Variants in MTA1 observed in about 807,000 individuals in gnomAD.
The protein encoded by MTA1 is metastasis associated 1.
MTA1 carries 15 observed loss-of-function variants against 97.0 expected under a neutral mutation model. The ratio of observed to expected loss-of-function variants is 0.15; its 90% CI spans 0.10 to 0.24. The LOEUF is 0.24. Among genes scored for constraint, MTA1 ranks in the 10% least tolerant of loss-of-function variants. MTA1 has a pLI of 1.00. For synonymous variants in MTA1, 435 were observed against 417.5 expected (o/e 1.04, Z -0.51); for missense variants, 709 against 1,015.1 (o/e 0.70, Z 4.10).
intron 3 of MTA1, among the ~76,000 whole-genome samples, chr14:105,446,376 GGCATGTGAC>G (rs2082718241): frequency 6.6e-6 from 1 of 152,246 alleles, no homozygotes; most frequent in African/African-American, 2.4e-5. Flanking sequence ...CAGTAGGTGA[GGCATGTGAC>G]TGCCCGGGTA....
At chr14:105,468,133 G>A in intron 18 of MTA1, 1 of 392,242 alleles carries the variant, frequency 2.5e-6, no homozygotes. Context: ...CACGAGGTGG[G>A]GTCTCTGTCC....
Position 105,463,602 on chromosome 14 carries a change from G to A in MTA1, c.1076+51G>A. The A allele has an allele frequency of 6.4e-7, 1 of 1,573,876 alleles. No individual in the cohort carries two copies. The highest frequency in any genetic ancestry group is 8.7e-7 in the Non-Finnish European group (1 of 1,144,846). ...CCTCGTGGCCCCGGGGGCCAGGGAG[G>A]GTGGGCACAGGGTGCTGGGGCCAGG... On this transcript the variant is annotated intron_variant, in intron 12 of 20. Transcript: ENST00000331320. This position sits in a 1 kb window ranked among gnomAD's most constrained non-coding sequence, Gnocchi z 5.9.
At position 105,422,732 on chromosome 14, in the gene MTA1, G is replaced by C. The variant is rs757007580; in HGVS notation, c.28+2669G>C. ...GCAGGCTACTCCGAGGCCCTGCCAG[G>C]TTGGGCTAGGCAGGGTGAAGGTGTG... On this transcript the variant is annotated intron_variant, in intron 1 of 20. Transcript: ENST00000331320. This position sits in a 1 kb window ranked among gnomAD's most constrained non-coding sequence, Gnocchi z 4.3. Among the ~76,000 whole-genome samples the C allele has an allele frequency of 6.6e-6, 1 of 152,224 alleles. No individual in the cohort carries two copies. Among genetic ancestry groups the C allele is most frequent in the Non-Finnish European group, 1.5e-5 (1 of 68,032 alleles).
intron 2 of MTA1, among the ~76,000 whole-genome samples, chr14:105,443,689 G>A (rs956561812): frequency 7.9e-5 from 12 of 152,028 alleles, no homozygotes; most frequent in Admixed American, 7.2e-4. Flanking sequence ...GCTTACTCCT[G>A]TAATCCTAGC....
rs115078896 is a variant in MTA1, at chr14:105,466,467, G to A, written c.1666G>A (p.Val556Met). 1.7e-3 allele frequency: 2,607 copies of A among 1,556,672 alleles called. 34 individuals are homozygous for A. In the African/African-American group the frequency reaches 0.032, roughly 19 times the overall value. The change falls in exon 17 of 21, where the codon GTG becomes ATG. Residue 556 changes from valine to methionine, a missense_variant. This residue lies in a region of MTA1 where 388 missense variants were observed against 421.6 expected (regional missense o/e 0.92). Transcript: ENST00000331320. ...RPPKPDPVKS[V>M]SSVLSSLTPA... Reference sequence around the variant, plus strand: ...CCCCAAGCCTGACCCCGTGAAAAGCGTGTCCAGCGTGCTCAGCAGCCTGAC... The same window carrying A: ...CCCCAAGCCTGACCCCGTGAAAAGCATGTCCAGCGTGCTCAGCAGCCTGAC...
At chr14:105,459,039 C>T (rs1164684995) in intron 8 of MTA1, among the ~76,000 whole-genome samples, 1 of 150,048 alleles carries the variant, frequency 6.7e-6, no homozygotes, top group Non-Finnish European at 1.5e-5. Flanking sequence ...GGCCCCTGGT[C>T]CCTGGTCCCT....
At chr14:105,466,191 G>A (rs1180255517) in intron 16 of MTA1, 10 of 572,360 alleles carry the variant, frequency 1.7e-5, no homozygotes, top group East Asian at 9.0e-5. Context: ...CCTGCTCTCT[G>A]GAAGCCCTGG....
At chr14:105,438,283 G>A (rs2082393061) in intron 1 of MTA1, among the ~76,000 whole-genome samples, 1 of 152,152 alleles carries the variant, frequency 6.6e-6, no homozygotes, top group Non-Finnish European at 1.5e-5. Context: ...GTGTCCTGGG[G>A]CTCCCGGCAG....
At position 105,463,679 on chromosome 14, in the gene MTA1, CG is replaced by C. The variant is rs2083449074; in HGVS notation, c.1076+131del. On this transcript the variant is annotated intron_variant, in intron 12 of 20. Transcript: ENST00000331320. The surrounding 1 kb of genome is among the most constrained non-coding windows in gnomAD (Gnocchi z 5.9). The stretch of plus-strand genomic sequence containing the variant: ...AGGCTGGGAAAGTTGGGGCAGCCCC[CG>C]GGAGGGCGGCCCAGGGCTGGGGGGT... 1 of 924,264 alleles carries C rather than the reference CG, an allele frequency of 1.1e-6. No homozygotes were observed. The highest frequency in any genetic ancestry group is 1.7e-6 in the Non-Finnish European group (1 of 593,942). 57.3% of individuals were successfully genotyped at this position (924,264 alleles called of 1,614,324 possible).
At chr14:105,462,932 C>T (rs1027728265) in intron 10 of MTA1, among the ~76,000 whole-genome samples, 2 of 152,250 alleles carry the variant, frequency 1.3e-5, no homozygotes, top group African/African-American at 2.4e-5. Flanking sequence ...GGCAAGATCT[C>T]GACCTTGACC....
rs587626490 is a variant in MTA1 at position 105,449,112 on chromosome 14, C to T, written c.191-247C>T. On this transcript the variant is annotated intron_variant, in intron 3 of 20. Transcript: ENST00000331320. ...GGGGTGGCCTCTGGACAGGGGCCCT[C>T]CACAGCCAGGCTTGTCTGGGCTCTT... 292 of 496,868 alleles carry T rather than the reference C, an allele frequency of 5.9e-4. No individual in the cohort carries two copies. In the South Asian group the frequency reaches 7.2e-3, roughly 12 times the overall value. The allele number at this position is 496,868 out of a possible 1,614,324, so 30.8% of individuals were successfully genotyped here.
chr14:105,469,307 C>A, intron 18 of MTA1, 160 bp from the exon 19 acceptor site: 1 of 750,144 alleles, frequency 1.3e-6, no homozygotes, highest in Non-Finnish European at 2.3e-6. Context: ...CCCGGGGATG[C>A]GAGGCCCCAC....
rs74092358 is a variant in MTA1, at chr14:105,442,235, C to T, written c.97-3183C>T. ...AAAACCCACTTTGCCTTTCGGCAGC[C>T]GCGTTCAGGTGTGGAGGCTCCACGC... On this transcript the variant is annotated intron_variant, in intron 2 of 20. Transcript: ENST00000331320. Among the ~76,000 whole-genome samples the T allele has an allele frequency of 8.4e-3, 1,285 of 152,336 alleles. 19 individuals carry two copies. Among genetic ancestry groups the T allele is most frequent in the African/African-American group, 0.029 (1,194 of 41,580 alleles).
At position 105,432,295 on chromosome 14, in the gene MTA1, C is replaced by T. The variant is rs372310840; in HGVS notation, c.29-6377C>T. On this transcript the variant is annotated intron_variant, in intron 1 of 20. Transcript: ENST00000331320. ...TTGCTCTGTCACCCAGGCTGGAGTG[C>T]AGTGGCGTGATCTCGGCTCACCGCA... Among the ~76,000 whole-genome samples, 538 of 152,272 alleles carry T rather than the reference C, an allele frequency of 3.5e-3. 5 individuals are homozygous for T. Among genetic ancestry groups the T allele is most frequent in the African/African-American group, 0.012 (510 of 41,558 alleles).
chr14:105,428,055 C>T (rs1227381898), intron 1 of MTA1, among the ~76,000 whole-genome samples: 4 of 150,542 alleles, frequency 2.7e-5, no homozygotes, highest in African/African-American at 7.4e-5. Context: ...TTGAGATACA[C>T]GTTTCACATG....
Position 105,470,268 on chromosome 14 carries a change from C to A in MTA1, c.*53C>A, listed in dbSNP as rs1319636602. On this transcript the variant is annotated 3_prime_UTR_variant, in exon 21 of 21. Coordinates refer to ENST00000331320, the MANE Select transcript of MTA1 (RefSeq NM_004689.4). ...CGCCCCTCGCCCGCCCACACGGCCC[C>A]TTCCCAGCCAGCCCGCCGCCCGCCC... The A allele has an allele frequency of 5.1e-6, 7 of 1,367,566 alleles. No homozygotes were observed. The highest frequency in any genetic ancestry group is 3.6e-5 in the Admixed American group (1 of 28,142). The allele number at this position is 1,367,566 out of a possible 1,614,324, so 84.7% of individuals were successfully genotyped here.
chr14:105,464,460 C>A lies in MTA1; in HGVS notation c.1237C>A (p.Gln413Lys). The A allele has an allele frequency of 6.2e-7, 1 of 1,613,664 alleles. No individual in the cohort carries two copies. Among genetic ancestry groups the A allele is most frequent in the Non-Finnish European group, 8.5e-7 (1 of 1,179,946 alleles). Residue 413 changes from glutamine (Q) to lysine (K), a missense_variant, in exon 14 of 21, where the codon CAG becomes AAG. Around this residue, in one of 2 missense-constraint regions of MTA1, gnomAD observed 321 missense variants for 593.5 expected, o/e 0.54. Coordinates refer to ENST00000331320, the MANE Select transcript of MTA1 (RefSeq NM_004689.4). ...GTATTCTTGGGGTCCCCCTAACATG[C>A]AGTGTCGTCTCTGCGCATCTTGTTG... ...QWYSWGPPNM[Q>K]CRLCASCWTY...
chr14:105,432,645 A>G (rs1255490789), intron 1 of MTA1, among the ~76,000 whole-genome samples: 3 of 152,234 alleles, frequency 2.0e-5, no homozygotes, highest in South Asian at 2.1e-4. Flanking sequence ...TTTTTGCTGC[A>G]TGATGTTCTC....
chr14:105,426,598 C>G (rs2082022558), intron 1 of MTA1, among the ~76,000 whole-genome samples: 1 of 152,182 alleles, frequency 6.6e-6, no homozygotes, highest in Admixed American at 6.6e-5. Context: ...CCAGGAGACA[C>G]AGTGCCTGGG....
Sources: allele counts gnomAD v4.1 joint callset (sites outside exome capture counted in the v4.1 genomes callset), GRCh38; gene constraint gnomAD v4.1.1; regional missense constraint gnomAD v4.1.1; non-coding constraint Gnocchi (gnomAD v3.1); transcripts MANE v1.5; gene names NCBI Gene and HGNC (gene_info 2026-07-23, HGNC 2026-07-21).